Variants in PSD2 observed in about 807,000 individuals in gnomAD.
PSD2 encodes pleckstrin and Sec7 domain containing 2, also known as PH and SEC7 domain-containing protein 2.
A neutral mutation model predicts 69.8 loss-of-function variants in PSD2; 38 were observed. That is an observed-to-expected ratio of 0.54 (90% CI 0.42 to 0.71). The LOEUF is 0.71. PSD2 is among the 30% of genes least tolerant of loss of function. PSD2 has a pLI of 0.00. For synonymous variants in PSD2, 412 were observed against 423.0 expected, an observed-to-expected ratio of 0.97 and a Z score of 0.32; for missense variants, 943 against 1,014.5, an observed-to-expected ratio of 0.93 and a Z score of 0.96.
chr5:139,832,410 G>C (rs1342663835), intron 7 of PSD2, among the ~76,000 whole-genome samples: 1 of 152,206 alleles, frequency 6.6e-6, no homozygotes, highest in Non-Finnish European at 1.5e-5. Context: ...GAAAGTTCTT[G>C]CTTGTCAGCT....
intron 7 of PSD2, among the ~76,000 whole-genome samples, chr5:139,828,867 A>G (rs1380617965): frequency 2.0e-5 from 3 of 152,106 alleles, no homozygotes; most frequent in Admixed American, 6.5e-5. Flanking sequence ...GTTTGAGGAG[A>G]TGGTCACCCT....
chr5:139,771,292 C>T, the PSD2 span, among the ~76,000 whole-genome samples: 1 of 152,252 alleles, frequency 6.6e-6, no homozygotes, highest in African/African-American at 2.4e-5. Flanking sequence ...TGGGCACTCC[C>T]TCTGTGGTGG....
At chr5:139,744,779 G>A in the PSD2 span, 1 of 152,278 alleles carries the variant, frequency 6.6e-6, no homozygotes, top group East Asian at 1.9e-4. Flanking sequence ...TGAGAACCGT[G>A]GGACTTGGCA....
intron 7 of PSD2, among the ~76,000 whole-genome samples, chr5:139,826,727 C>A (rs960884274): frequency 6.6e-6 from 1 of 152,142 alleles, no homozygotes. Context: ...TAGAGTCAGG[C>A]AGGGTCCAGG....
chr5:139,796,568 T>A (rs541309877), intron 1 of PSD2, among the ~76,000 whole-genome samples: 1 of 152,024 alleles, frequency 6.6e-6, no homozygotes, highest in Non-Finnish European at 1.5e-5. Flanking sequence ...AGGAGGCACA[T>A]AATGGCCGAG....
At position 139,837,069 on chromosome 5, in the gene PSD2, CTT is replaced by C; in HGVS notation, c.1594+70_1594+71del. The C allele has an allele frequency of 6.3e-7, 1 of 1,594,790 alleles. No homozygotes were observed. The highest frequency in any genetic ancestry group is 1.1e-5 in the South Asian group (1 of 88,594). On this transcript the variant is annotated intron_variant, in intron 10 of 14. Transcript: ENST00000274710. The surrounding 1 kb of genome is among the most constrained non-coding windows in gnomAD (Gnocchi z 5.0). ...ACAGAGGGGGGCGCCACGGGCCACT[CTT>C]TGGGGACGAACATACAGGTGGACAC...
the PSD2 span, among the ~76,000 whole-genome samples, chr5:139,767,621 G>A: frequency 6.6e-6 from 1 of 152,244 alleles, no homozygotes; most frequent in Admixed American, 6.5e-5. Flanking sequence ...GGCCCCTCCT[G>A]TCTTTGTAAG....
At chr5:139,816,505 G>A (rs547917465) in intron 4 of PSD2, among the ~76,000 whole-genome samples, 1 of 152,314 alleles carries the variant, frequency 6.6e-6, no homozygotes, top group South Asian at 2.1e-4. Context: ...CCTAAAGAAT[G>A]TTCCACGGTT....
intron 1 of PSD2, among the ~76,000 whole-genome samples, chr5:139,800,662 G>A (rs150423347): frequency 1.8e-4 from 27 of 152,158 alleles, no homozygotes; most frequent in Non-Finnish European, 2.9e-4. Context: ...CAGTCAGAGC[G>A]TCCTGAGGCT....
At chr5:139,755,395 G>A in the PSD2 span, among the ~76,000 whole-genome samples, 3 of 152,130 alleles carry the variant, frequency 2.0e-5, no homozygotes. Context: ...AGCATGCCTG[G>A]GTGTTTGTGT....
chr5:139,812,668 C>G (rs557430411), intron 2 of PSD2, among the ~76,000 whole-genome samples: 2 of 152,288 alleles, frequency 1.3e-5, no homozygotes, highest in African/African-American at 4.8e-5. Flanking sequence ...CTCCCCTGCT[C>G]TCTCTGAGGA....
the PSD2 span, among the ~76,000 whole-genome samples, chr5:139,763,948 C>G: frequency 2.0e-5 from 3 of 152,190 alleles, no homozygotes; most frequent in Non-Finnish European, 4.4e-5. Context: ...CAAAGGTAGT[C>G]TGGGGAAGTC....
rs949109972 is a variant in PSD2, at chr5:139,837,691, G to T, written c.1732G>T (p.Ala578Ser). The T allele has an allele frequency of 2.5e-6, 4 of 1,614,040 alleles. No individual in the cohort carries two copies. The Middle Eastern group carries it at 6.6e-4, about 266-fold the overall frequency. ...DLKNAIRVHH[A>S]LATRASDYSK... ...GAAGAACGCCATTCGCGTGCATCAC[G>T]CTCTGGCCACCAGGGCCTCTGACTA... The change falls in exon 12 of 15, where the codon GCT becomes TCT. Residue 578 changes from alanine to serine, a missense_variant. By Grantham distance (99) the Ala-to-Ser change is moderately conservative. This residue lies in a region of PSD2 where 312 missense variants were observed against 400.7 expected (regional missense o/e 0.78). Transcript: ENST00000274710. The surrounding 1 kb of genome is among the most constrained non-coding windows in gnomAD (Gnocchi z 5.0).
the PSD2 span, among the ~76,000 whole-genome samples, chr5:139,766,978 T>A: frequency 1.4e-5 from 2 of 142,774 alleles, no homozygotes; most frequent in Non-Finnish European, 3.0e-5. Context: ...TCTTTCTTTC[T>A]TTCTTTCTTT....
chr5:139,841,219 T>C (rs1323583376), intron 14 of PSD2, among the ~76,000 whole-genome samples: 6 of 152,230 alleles, frequency 3.9e-5, no homozygotes, highest in Admixed American at 1.3e-4. Context: ...TTTCCTTTCT[T>C]TTTAACCCAT....
At chr5:139,835,662 T>C in intron 8 of PSD2, 61 bp from the exon 9 acceptor site, 1 of 1,514,388 alleles carries the variant, frequency 6.6e-7, no homozygotes, top group South Asian at 1.1e-5. Context: ...TTATTGGTGG[T>C]AGATGAGGGT....
chr5:139,830,557 C>CCTTTCTTT (rs1491324426), intron 7 of PSD2, among the ~76,000 whole-genome samples: 2 of 133,056 alleles, frequency 1.5e-5, no homozygotes, highest in East Asian at 4.2e-4. Flanking sequence ...TTCCTTCCTT[C>CCTTTCTTT]CTTCCTTCCT....
intron 7 of PSD2, among the ~76,000 whole-genome samples, chr5:139,823,880 G>A (rs1451866847): frequency 2.0e-5 from 3 of 152,264 alleles, no homozygotes; most frequent in African/African-American, 4.8e-5. Flanking sequence ...TCTGCTGGCA[G>A]CCTGGGCTCA....
chr5:139,792,655 C>T (rs528747057), upstream of PSD2, among the ~76,000 whole-genome samples: 6 of 152,268 alleles, frequency 3.9e-5, no homozygotes, highest in South Asian at 2.1e-4. Flanking sequence ...GGGGAAATAT[C>T]GTCTATTCTG....
Sources: allele counts gnomAD v4.1 joint callset (sites outside exome capture counted in the v4.1 genomes callset), GRCh38; gene constraint gnomAD v4.1.1; regional missense constraint gnomAD v4.1.1; non-coding constraint Gnocchi (gnomAD v3.1); transcripts MANE v1.5; gene names NCBI Gene and HGNC (gene_info 2026-07-23, HGNC 2026-07-21).